DCDC2C: variants seen among roughly 807,000 people sequenced by gnomAD.
The protein encoded by DCDC2C is doublecortin domain containing 2C, also known as doublecortin domain-containing protein 2C.
A neutral mutation model predicts 45.0 loss-of-function variants in DCDC2C; 44 were observed. The observed-to-expected ratio is 0.98, with a 90% CI of 0.77 to 1.26. DCDC2C has a LOEUF of 1.26. Among genes scored for constraint, DCDC2C ranks in the 50% most tolerant of loss-of-function variants. The probability of loss-of-function intolerance (pLI) is 0.00; values close to 1 mark genes in which losing one functional copy is unlikely to be tolerated. For synonymous variants in DCDC2C, 187 were observed against 178.8 expected, an observed-to-expected ratio of 1.05 and a Z score of -0.37; for missense variants, 447 against 468.9, an observed-to-expected ratio of 0.95 and a Z score of 0.43.
chr2:3,768,490 G>A (rs972912642), intron 7 of DCDC2C, among the ~76,000 whole-genome samples: 5 of 152,214 alleles, frequency 3.3e-5, no homozygotes, highest in Non-Finnish European at 5.9e-5. Flanking sequence ...AAGGTGGTGG[G>A]AGAGGCTTTC....
At chr2:3,788,870 CCT>C (rs1335321254) in intron 10 of DCDC2C, among the ~76,000 whole-genome samples, 3 of 146,570 alleles carry the variant, frequency 2.0e-5, no homozygotes, top group African/African-American at 7.6e-5. Context: ...ACCCTCCCTC[CCT>C]CTCTCTCTCT....
intron 6 of DCDC2C, among the ~76,000 whole-genome samples, chr2:3,762,177 T>TTTTTTTTTA: frequency 6.9e-6 from 1 of 145,470 alleles, no homozygotes; most frequent in African/African-American, 2.5e-5. Flanking sequence ...TTTTTTTTTT[T>TTTTTTTTTA]AACCAAGTGC....
chr2:3,747,251 C>T (rs1353840134), intron 4 of DCDC2C, among the ~76,000 whole-genome samples: 1 of 152,206 alleles, frequency 6.6e-6, no homozygotes. Flanking sequence ...GTGCAGGGCT[C>T]AGTGTCAGTC....
At chr2:3,844,295 C>G (rs1490583969) in intron 10 of DCDC2C, 1 of 154,006 alleles carries the variant, frequency 6.5e-6, no homozygotes, top group East Asian at 1.9e-4. Context: ...CCCCACGCAG[C>G]CATGCCTGGG....
chr2:3,733,457 T>G (rs1213114283), intron 3 of DCDC2C, among the ~76,000 whole-genome samples: 3 of 152,208 alleles, frequency 2.0e-5, no homozygotes, highest in Non-Finnish European at 4.4e-5. Context: ...TTGGGAGGCA[T>G]CTTGAAGGAG....
intron 2 of DCDC2C, among the ~76,000 whole-genome samples, chr2:3,718,593 C>T (rs1305819165): frequency 6.6e-6 from 1 of 152,126 alleles, no homozygotes; most frequent in African/African-American, 2.4e-5. Flanking sequence ...AAGTCCAGGG[C>T]CTTGTGGACT....
intron 10 of DCDC2C, among the ~76,000 whole-genome samples, chr2:3,827,864 A>G (rs957932351): frequency 1.3e-5 from 2 of 152,226 alleles, no homozygotes; most frequent in Non-Finnish European, 2.9e-5. Context: ...GGCATAACCA[A>G]TAAGTCTGAT....
chr2:3,771,549 A>G (rs1192728795), intron 8 of DCDC2C, among the ~76,000 whole-genome samples: 2 of 152,220 alleles, frequency 1.3e-5, no homozygotes, highest in Non-Finnish European at 2.9e-5. Context: ...GCTTTTGGTT[A>G]ATTCTGTTTA....
intron 10 of DCDC2C, among the ~76,000 whole-genome samples, chr2:3,808,073 T>A (rs1460971812): frequency 6.6e-6 from 1 of 152,210 alleles, no homozygotes; most frequent in Non-Finnish European, 1.5e-5. Flanking sequence ...AGTGAATGCA[T>A]TTTTCACTGT....
intron 10 of DCDC2C, among the ~76,000 whole-genome samples, chr2:3,836,211 G>C (rs1179333262): frequency 6.6e-6 from 1 of 152,122 alleles, no homozygotes; most frequent in Admixed American, 6.5e-5. Context: ...CTGTGGAACT[G>C]TCCCCCTCCA....
rs1379757393 is a variant in DCDC2C, at chr2:3,779,867, C to G, written c.1023+983C>G. On this transcript the variant is annotated intron_variant, in intron 9 of 10. Coordinates refer to ENST00000399143, the MANE Select transcript of DCDC2C (RefSeq NM_001287444.2). ...CCCCTAGGGAGCTTGTGCCAGGGTGCTGGAGCCACGCAGGTCACCCCCGGC... is the reference window on the plus strand; with the variant it reads ...CCCCTAGGGAGCTTGTGCCAGGGTGGTGGAGCCACGCAGGTCACCCCCGGC... 4.6e-5 allele frequency among the ~76,000 whole-genome samples: 7 copies of G among 152,108 alleles called. No individual in the cohort carries two copies. In the East Asian group the frequency reaches 1.4e-3, roughly 29 times the overall value.
At chr2:3,736,329 G>C (rs939624814) in intron 3 of DCDC2C, among the ~76,000 whole-genome samples, 1 of 152,184 alleles carries the variant, frequency 6.6e-6, no homozygotes, top group Admixed American at 6.5e-5. Context: ...GAGGCAAGTC[G>C]TGAGGCACAG....
intron 3 of DCDC2C, among the ~76,000 whole-genome samples, chr2:3,730,296 TAAAG>T (rs1267561780): frequency 1.3e-5 from 2 of 151,818 alleles, no homozygotes; most frequent in South Asian, 2.1e-4. Flanking sequence ...TAAAAAAAAA[TAAAG>T]AAACCGAGTC....
intron 1 of DCDC2C, 154 bp downstream of exon 1, chr2:3,704,192 G>A (rs1169584515): frequency 7.1e-6 from 5 of 706,484 alleles, no homozygotes; most frequent in Non-Finnish European, 9.8e-6. Context: ...AGCCGGCGTC[G>A]GGCCGCCCCA....
intron 2 of DCDC2C, 98 bp from the exon 3 acceptor site, chr2:3,726,905 C>T (rs567055088): frequency 1.8e-6 from 2 of 1,113,300 alleles, no homozygotes; most frequent in South Asian, 1.4e-5. Flanking sequence ...GGTTCCCCCC[C>T]TTTCTTATGT....
At chr2:3,738,327 A>C (rs115553123) in intron 3 of DCDC2C, among the ~76,000 whole-genome samples, 178 of 152,166 alleles carry the variant, frequency 1.2e-3, no homozygotes, top group Middle Eastern at 6.8e-3. Context: ...GTTTGTTTTT[A>C]CTCCCTTGTC....
At chr2:3,767,687 G>A (rs1670049488) in intron 6 of DCDC2C, 67 bp from the exon 7 acceptor site, 1 of 1,527,496 alleles carries the variant, frequency 6.5e-7, no homozygotes, top group African/African-American at 1.4e-5. Flanking sequence ...CACACCCAGA[G>A]AACCTGATCG....
rs989687446 is a variant in DCDC2C at position 3,734,057 on chromosome 2, C to T, written c.416+6978C>T. On this transcript the variant is annotated intron_variant, in intron 3 of 10. Coordinates refer to ENST00000399143, the MANE Select transcript of DCDC2C (RefSeq NM_001287444.2). The surrounding 1 kb of genome is among the most constrained non-coding windows in gnomAD (Gnocchi z 4.2). ...TAAGAGCAGTTTGCTGGGGTAGTAA[C>T]AGTGCCTCCAGAAGTTCTGCTATTT... 1.3e-4 allele frequency among the ~76,000 whole-genome samples: 20 copies of T among 152,232 alleles called. No homozygotes were observed. Among genetic ancestry groups the T allele is most frequent in the Non-Finnish European group, 1.9e-4 (13 of 68,046 alleles).
At chr2:3,798,219 C>G (rs1184998386) in intron 10 of DCDC2C, among the ~76,000 whole-genome samples, 6 of 151,918 alleles carry the variant, frequency 3.9e-5, no homozygotes, top group Non-Finnish European at 8.8e-5. Context: ...TTTCCATTTG[C>G]TTGGTAGATC....
Sources: gnomAD v4.1 joint callset for allele counts (sites outside exome capture counted in the v4.1 genomes callset) on GRCh38, gnomAD v4.1.1 for gene constraint, Gnocchi (gnomAD v3.1) non-coding constraint, MANE v1.5 for transcripts, NCBI Gene and HGNC (gene_info 2026-07-23, HGNC 2026-07-21) for gene names.